Variants in CACNA1E observed in about 807,000 individuals in gnomAD.
CACNA1E encodes the protein calcium voltage-gated channel subunit alpha1 E, also known as voltage-dependent R-type calcium channel subunit alpha-1E.
A neutral mutation model predicts 259.2 loss-of-function variants in CACNA1E; 40 were observed. The ratio of observed to expected loss-of-function variants is 0.15; its 90% CI spans 0.12 to 0.20. The LOEUF (loss-of-function observed/expected upper bound fraction) is 0.20, where lower values mean the gene tolerates loss of function less well. CACNA1E is among the 10% of genes least tolerant of loss of function. CACNA1E has a pLI of 1.00. For synonymous variants in CACNA1E, 1,104 were observed against 1,138.5 expected (o/e 0.97, Z 0.61); for missense variants, 1,874 against 3,040.1 (o/e 0.62, Z 9.02).
At chr1:181,720,657 A>G (rs1654335685) in intron 14 of CACNA1E, 126 bp from the exon 15 acceptor site, 7 of 688,566 alleles carry the variant, frequency 1.0e-5, no homozygotes, top group Non-Finnish European at 1.8e-5. Context: ...GAATGGGGAA[A>G]AAGTAGGGAA....
rs1459573408 is a variant in CACNA1E at position 181,802,677 on chromosome 1, T to G, written c.*3843T>G. The stretch of plus-strand genomic sequence containing the variant: ...TCCTCGCAAGACAACTGACACAAGG[T>G]GTAGGGTGTGGGGGTGGACAAAATG... On this transcript the variant is annotated 3_prime_UTR_variant, in exon 48 of 48. Transcript: ENST00000367573. 6.6e-6 allele frequency: 1 copy of G among 152,192 alleles called. No homozygotes were observed. The highest frequency in any genetic ancestry group is 2.4e-5 in the African/African-American group (1 of 41,458). 9.4% of individuals were successfully genotyped at this position (152,192 alleles called of 1,614,324 possible). A position where few individuals can be genotyped will look rare whatever the true frequency, so the allele number is the denominator to read the frequency against.
At chr1:181,589,384 C>T (rs980018421) in intron 6 of CACNA1E, among the ~76,000 whole-genome samples, 2 of 152,184 alleles carry the variant, frequency 1.3e-5, no homozygotes, top group Non-Finnish European at 2.9e-5. Flanking sequence ...GATTGACACA[C>T]AGTGGGCTCT....
chr1:181,463,866 T>A (rs1182221799), intron 2 of CACNA1E, among the ~76,000 whole-genome samples: 1 of 152,150 alleles, frequency 6.6e-6, no homozygotes, highest in African/African-American at 2.4e-5. Context: ...ATTAAAAAAT[T>A]CCTTCCACAT....
intron 6 of CACNA1E, among the ~76,000 whole-genome samples, chr1:181,625,349 T>G (rs1010889695): frequency 6.6e-6 from 1 of 152,226 alleles, no homozygotes; most frequent in African/African-American, 2.4e-5. Context: ...TCTCTAGTTA[T>G]GAAAGTCCTA....
At chr1:181,513,081 G>A (rs974493126) in intron 3 of CACNA1E, among the ~76,000 whole-genome samples, 2 of 152,168 alleles carry the variant, frequency 1.3e-5, no homozygotes, top group African/African-American at 2.4e-5. Flanking sequence ...ATAAGTTTGT[G>A]TAAATTCTTG....
At position 181,758,735 on chromosome 1, in the gene CACNA1E, C is replaced by T. The variant is rs1245623494; in HGVS notation, c.4495-23C>T. On this transcript the variant is annotated intron_variant, in intron 31 of 47. Transcript: ENST00000367573. The surrounding 1 kb of genome is among the most constrained non-coding windows in gnomAD (Gnocchi z 4.2). Reference sequence around the variant, plus strand: ...TTACCTTAAGGCTGTGATTCTTTCTCTCTTCTTTTTTCTTCCTGGCAGTAT... The same window carrying T: ...TTACCTTAAGGCTGTGATTCTTTCTTTCTTCTTTTTTCTTCCTGGCAGTAT... The T allele has an allele frequency of 1.5e-6, 2 of 1,330,744 alleles. No individual in the cohort carries two copies. Among genetic ancestry groups the T allele is most frequent in the Non-Finnish European group, 2.2e-6 (2 of 927,908 alleles). 82.4% of individuals were successfully genotyped at this position (1,330,744 alleles called of 1,614,324 possible).
chr1:181,647,687 G>A (rs1016984841), intron 6 of CACNA1E, among the ~76,000 whole-genome samples: 1 of 152,170 alleles, frequency 6.6e-6, no homozygotes, highest in Non-Finnish European at 1.5e-5. Context: ...TAATAATGAT[G>A]AATCAGAAGG....
At chr1:181,710,490 G>C (rs1653239373) in intron 7 of CACNA1E, among the ~76,000 whole-genome samples, 1 of 152,166 alleles carries the variant, frequency 6.6e-6, no homozygotes, top group Admixed American at 6.5e-5. Flanking sequence ...TCATAGGATG[G>C]TCGTGAGGAT....
At chr1:181,380,675 T>C (rs1413837259) in intron 1 of CACNA1E, among the ~76,000 whole-genome samples, 2 of 152,132 alleles carry the variant, frequency 1.3e-5, no homozygotes, top group African/African-American at 4.8e-5. Flanking sequence ...TTAGGAAAGC[T>C]AAAATTAAAA....
chr1:181,561,194 C>T (rs575578399), intron 3 of CACNA1E, among the ~76,000 whole-genome samples: 9 of 152,192 alleles, frequency 5.9e-5, no homozygotes, highest in East Asian at 1.9e-4. Flanking sequence ...TACTTAATGC[C>T]GCAGAACTCT....
chr1:181,737,113 G>A (rs180944628), intron 22 of CACNA1E, among the ~76,000 whole-genome samples: 16 of 152,294 alleles, frequency 1.1e-4, no homozygotes, highest in South Asian at 2.1e-4. Context: ...TACTGCTTTC[G>A]TCAGGAATTT....
chr1:181,783,850 G>A (rs1388173141), intron 40 of CACNA1E, 66 bp downstream of exon 40: 1 of 1,012,776 alleles, frequency 9.9e-7, no homozygotes, highest in East Asian at 2.4e-5. Context: ...AGGTGGCACA[G>A]GATGGAGATA....
intron 3 of CACNA1E, among the ~76,000 whole-genome samples, chr1:181,565,215 T>C (rs1481772668): frequency 6.6e-6 from 1 of 152,192 alleles, no homozygotes; most frequent in Admixed American, 6.5e-5. Flanking sequence ...GCAAGTGGGT[T>C]ATTGTGAGTG....
At chr1:181,543,712 A>AT in intron 3 of CACNA1E, among the ~76,000 whole-genome samples, 1 of 152,286 alleles carries the variant, frequency 6.6e-6, no homozygotes, top group South Asian at 2.1e-4. Context: ...AGTGTATGGT[A>AT]TTTTTTAAAG....
intron 1 of CACNA1E, among the ~76,000 whole-genome samples, chr1:181,335,702 C>T (rs889396187): frequency 2.6e-5 from 4 of 152,320 alleles, no homozygotes; most frequent in African/African-American, 9.6e-5. Flanking sequence ...TGCCTTGGTT[C>T]ATCTCCATTC....
chr1:181,717,577 A>C (rs1200318435), intron 11 of CACNA1E, among the ~76,000 whole-genome samples: 1 of 152,126 alleles, frequency 6.6e-6, no homozygotes, highest in African/African-American at 2.4e-5. Flanking sequence ...TTTCTTAAGG[A>C]GGCTCAATGA....
At position 181,720,302 on chromosome 1, in the gene CACNA1E, C is replaced by T; in HGVS notation, c.1848C>T (p.Val616=). ...LLFLLFLFIV[V]FALLGMQLFG... ...TCCTCCTCTTCCTCTTCATCGTTGT[C>T]TTTGCTCTCCTAGGAATGCAGTTAT... is the stretch of plus-strand genomic sequence containing the variant. The change falls in exon 14 of 48, where the codon GTC becomes GTT. Residue 616 remains valine (V), a synonymous_variant. Transcript: ENST00000367573. The T allele has an allele frequency of 6.2e-7, 1 of 1,613,758 alleles. No homozygotes were observed. Among genetic ancestry groups the T allele is most frequent in the Non-Finnish European group, 8.5e-7 (1 of 1,179,816 alleles).
At chr1:181,685,655 C>G (rs1375346076) in intron 7 of CACNA1E, among the ~76,000 whole-genome samples, 1 of 152,188 alleles carries the variant, frequency 6.6e-6, no homozygotes, top group Non-Finnish European at 1.5e-5. Context: ...ATTCAATAAA[C>G]TTAAAGTTTC....
intron 1 of CACNA1E, among the ~76,000 whole-genome samples, chr1:181,350,796 A>T (rs1405169665): frequency 1.3e-5 from 2 of 152,092 alleles, no homozygotes; most frequent in African/African-American, 4.8e-5. Flanking sequence ...CTACAACCTT[A>T]TATAGTTAAG....
Sources: gnomAD v4.1 joint callset for allele counts (sites outside exome capture counted in the v4.1 genomes callset) on GRCh38, gnomAD v4.1.1 for gene constraint, Gnocchi (gnomAD v3.1) non-coding constraint, MANE v1.5 for transcripts, NCBI Gene and HGNC (gene_info 2026-07-23, HGNC 2026-07-21) for gene names.